Variants in CYFIP1 observed in about 807,000 individuals in gnomAD.
CYFIP1 encodes the protein cytoplasmic FMR1-interacting protein 1.
A neutral mutation model predicts 163.5 loss-of-function variants in CYFIP1; 58 were observed. The ratio of observed to expected loss-of-function variants is 0.35; its 90% confidence interval spans 0.29 to 0.44. The LOEUF is 0.44. Among genes scored for constraint, CYFIP1 ranks in the 20% least tolerant of loss-of-function variants. The probability of loss-of-function intolerance (pLI) is 1.00; values close to 1 mark genes in which losing one functional copy is unlikely to be tolerated. For missense variants in CYFIP1, 1,338 were observed against 1,653.8 expected, an observed-to-expected ratio of 0.81 and a Z score of 3.31; for synonymous variants, 663 against 660.7, an observed-to-expected ratio of 1.00 and a Z score of -0.05.
intron 1 of CYFIP1, among the ~76,000 whole-genome samples, chr15:22,958,310 T>C (rs924582355): frequency 7.9e-5 from 12 of 152,130 alleles, no homozygotes; most frequent in African/African-American, 2.7e-4. Context: ...GGTTTTGAAC[T>C]CCTGACCTCA....
intron 22 of CYFIP1, among the ~76,000 whole-genome samples, chr15:22,898,137 C>T (rs113187615): frequency 1.8e-4 from 27 of 152,186 alleles, no homozygotes; most frequent in African/African-American, 6.5e-4. Context: ...GCTTCCGTCC[C>T]CTCAGCAAAA....
At chr15:22,879,238 G>C (rs1194786564) in intron 26 of CYFIP1, among the ~76,000 whole-genome samples, 1 of 152,166 alleles carries the variant, frequency 6.6e-6, no homozygotes, top group Non-Finnish European at 1.5e-5. Flanking sequence ...TGCCCACCTC[G>C]TTAGTCACGA....
chr15:22,931,707 A>AAAAAAAAAAAAAAAAAC, intron 11 of CYFIP1, among the ~76,000 whole-genome samples: 1 of 149,952 alleles, frequency 6.7e-6, no homozygotes, highest in Non-Finnish European at 1.5e-5. Context: ...AAAAAAAAAA[A>AAAAAAAAAAAAAAAAAC]AAAGCTTTTT....
At chr15:22,916,062 C>T (rs974606457) in intron 16 of CYFIP1, among the ~76,000 whole-genome samples, 2 of 152,116 alleles carry the variant, frequency 1.3e-5, no homozygotes, top group Non-Finnish European at 2.9e-5. Context: ...CACCGGTGGC[C>T]GGTCAAGGTG....
At chr15:22,928,912 T>C (rs1052586921) in intron 11 of CYFIP1, among the ~76,000 whole-genome samples, 1 of 150,886 alleles carries the variant, frequency 6.6e-6, no homozygotes, top group Admixed American at 6.6e-5. Flanking sequence ...AACACCACGG[T>C]GTGACTTAAA....
Position 22,900,292 on chromosome 15 carries a change from C to T in CYFIP1, c.2588+3414G>A, listed in dbSNP as rs1018549220. 4.6e-5 allele frequency among the ~76,000 whole-genome samples: 7 copies of T among 152,050 alleles called. No homozygotes were observed. The East Asian group carries it at 5.8e-4, about 13-fold the overall frequency. ...CAAGAACACCCAGAACTGAGGTCAC[C>T]GCCAGAAGTAACAGCTCTACCCAGT... On this transcript the variant is annotated intron_variant, in intron 22 of 30. Transcript: ENST00000617928.
At chr15:22,942,682 C>G (rs886508145) in intron 6 of CYFIP1, among the ~76,000 whole-genome samples, 1 of 152,168 alleles carries the variant, frequency 6.6e-6, no homozygotes, top group Non-Finnish European at 1.5e-5. Flanking sequence ...AGTGTGACCA[C>G]GAGACACCCT....
intron 1 of CYFIP1, chr15:22,951,218 C>G (rs538460842): frequency 2.9e-6 from 2 of 679,216 alleles, no homozygotes; most frequent in Non-Finnish European, 3.8e-6. Flanking sequence ...CGCCAGCCAC[C>G]TGGACCTCCC....
rs543381263 is a variant in CYFIP1, at chr15:22,888,105, G to C, written c.2676+4785C>G. Reference sequence around the variant, plus strand: ...TGTAAGTGGTGACATGACCAAGAACGAAAAAGATAACATTGCATAAATGGG... The same window carrying C: ...TGTAAGTGGTGACATGACCAAGAACCAAAAAGATAACATTGCATAAATGGG... On this transcript the variant is annotated intron_variant, in intron 23 of 30. Coordinates refer to ENST00000617928, the MANE Select transcript of CYFIP1 (RefSeq NM_014608.6). Among the ~76,000 whole-genome samples, 51 of 152,268 alleles carry C rather than the reference G, an allele frequency of 3.3e-4. 3 individuals are homozygous for C. In the South Asian group the frequency reaches 9.3e-3, roughly 28 times the overall value.
chr15:22,912,944 C>A (rs916909929), intron 17 of CYFIP1, among the ~76,000 whole-genome samples: 2 of 148,018 alleles, frequency 1.4e-5, no homozygotes, highest in Admixed American at 6.8e-5. Flanking sequence ...AGAATGAACT[C>A]CAGCACTTTA....
At chr15:22,918,909 C>T (rs1230575588) in intron 13 of CYFIP1, 51 bp from the exon 14 acceptor site, 13 of 1,431,556 alleles carry the variant, frequency 9.1e-6, no homozygotes, top group Non-Finnish European at 1.1e-5. Context: ...TGGCACCAAG[C>T]CTCCTCTGCC....
chr15:22,901,397 C>T (rs2060388288), intron 22 of CYFIP1, among the ~76,000 whole-genome samples: 1 of 152,142 alleles, frequency 6.6e-6, no homozygotes, highest in Non-Finnish European at 1.5e-5. Context: ...GGTAACATGA[C>T]AGTGGGAACA....
chr15:22,974,876 T>C (rs1335074243), intron 1 of CYFIP1, among the ~76,000 whole-genome samples: 1 of 152,056 alleles, frequency 6.6e-6, no homozygotes, highest in Non-Finnish European at 1.5e-5. Context: ...CAGTAAAAGT[T>C]ACACGGTGTA....
chr15:22,877,045 A>G (rs4778451), intron 26 of CYFIP1, among the ~76,000 whole-genome samples: 114,631 of 151,898 alleles, frequency 0.75, 43,515 homozygotes, highest in South Asian at 0.85. Flanking sequence ...GGACATACAC[A>G]GAGGCTATGG....
chr15:22,891,685 C>T (rs2060088128), intron 23 of CYFIP1, among the ~76,000 whole-genome samples: 1 of 152,214 alleles, frequency 6.6e-6, no homozygotes, highest in South Asian at 2.1e-4. Flanking sequence ...AACCAATGCC[C>T]TGATTTGGGT....
chr15:22,916,842 T>C (rs1189761521), intron 15 of CYFIP1: 1 of 1,553,810 alleles, frequency 6.4e-7, no homozygotes, highest in Admixed American at 2.0e-5. Flanking sequence ...GCAGTTCGCC[T>C]CCGTGCCATA....
intron 26 of CYFIP1, among the ~76,000 whole-genome samples, chr15:22,876,580 C>T (rs918430345): frequency 3.3e-5 from 5 of 152,016 alleles, no homozygotes; most frequent in South Asian, 2.1e-4. Flanking sequence ...CAGTGGCTCA[C>T]GCCTGTAATC....
chr15:22,915,610 G>A (rs376348130), intron 16 of CYFIP1, among the ~76,000 whole-genome samples: 2 of 152,012 alleles, frequency 1.3e-5, no homozygotes, highest in African/African-American at 2.4e-5. Flanking sequence ...TTAGCCAGGC[G>A]CAGTGGTGAG....
At position 22,899,570 on chromosome 15, in the gene CYFIP1, G is replaced by A. The variant is rs2060334010; in HGVS notation, c.2588+4136C>T. Among the ~76,000 whole-genome samples, 3 of 151,960 alleles carry A rather than the reference G, an allele frequency of 2.0e-5. 1 individual carries two copies. Among genetic ancestry groups the A allele is most frequent in the Non-Finnish European group, 4.4e-5 (3 of 68,016 alleles). ...CTGCACAAGCTCTCTCTCGTCTGCT[G>A]CCATGTGAGACATCCCTCTCACCTT... On this transcript the variant is annotated intron_variant, in intron 22 of 30. Coordinates refer to ENST00000617928, the MANE Select transcript of CYFIP1 (RefSeq NM_014608.6).
Sources: gnomAD v4.1 joint callset for allele counts (sites outside exome capture counted in the v4.1 genomes callset) on GRCh38, gnomAD v4.1.1 for gene constraint, MANE v1.5 for transcripts, NCBI Gene and HGNC (gene_info 2026-07-23, HGNC 2026-07-21) for gene names.